Variants in PAX7 observed in about 807,000 individuals in gnomAD.
PAX7 encodes paired box protein Pax-7.
PAX7 carries 18 observed loss-of-function variants against 50.7 expected under a neutral mutation model. The observed-to-expected ratio is 0.36, with a 90% CI of 0.25 to 0.53. The LOEUF is 0.53. PAX7 is among the 20% of genes least tolerant of loss of function. PAX7 has a pLI of 0.93. For synonymous variants in PAX7, 310 were observed against 290.4 expected, an observed-to-expected ratio of 1.07 and a Z score of -0.69; for missense variants, 644 against 702.9, an observed-to-expected ratio of 0.92 and a Z score of 0.95.
intron 5 of PAX7, among the ~76,000 whole-genome samples, chr1:18,696,152 G>A (rs1446235226): frequency 1.4e-5 from 2 of 144,310 alleles, no homozygotes; most frequent in African/African-American, 2.6e-5. Context: ...TGCAACCTCC[G>A]CCTCCCGGTT....
rs1480423067 is a variant in PAX7 at position 18,705,179 on chromosome 1, T to A, written c.1155+1883T>A. Among the ~76,000 whole-genome samples the A allele has an allele frequency of 2.6e-5, 4 of 152,314 alleles. No homozygotes were observed. In the South Asian group the frequency reaches 6.2e-4, roughly 24 times the overall value. On this transcript the variant is annotated intron_variant, in intron 7 of 8. Transcript: ENST00000420770. ...GGTGAGCTAAACCCTGCACATGGAA[T>A]ACAGCCTGTCGGCCAGAATGTCTTC... is the stretch of plus-strand genomic sequence containing the variant.
At chr1:18,637,566 C>A (rs946219412) in intron 4 of PAX7, among the ~76,000 whole-genome samples, 2 of 152,236 alleles carry the variant, frequency 1.3e-5, no homozygotes, top group African/African-American at 2.4e-5. Context: ...TCTCCCAGCA[C>A]CCCTCTCCTC....
At chr1:18,672,213 C>G (rs2088759767) in intron 4 of PAX7, among the ~76,000 whole-genome samples, 1 of 152,106 alleles carries the variant, frequency 6.6e-6, no homozygotes, top group Non-Finnish European at 1.5e-5. Context: ...TCCAGAATCT[C>G]CCTTTGCCAT....
At chr1:18,669,904 T>G (rs1014985655) in intron 4 of PAX7, among the ~76,000 whole-genome samples, 4 of 152,048 alleles carry the variant, frequency 2.6e-5, no homozygotes, top group African/African-American at 9.7e-5. Context: ...GCCAACATGG[T>G]GAAACCCCGT....
At chr1:18,696,109 A>C (rs767774561) in intron 5 of PAX7, among the ~76,000 whole-genome samples, 58 of 135,110 alleles carry the variant, frequency 4.3e-4, no homozygotes, top group Non-Finnish European at 7.8e-4. Context: ...CTCATCGCCC[A>C]GGCTGGAGTG....
chr1:18,732,951 C>T (rs1054455953), intron 7 of PAX7, among the ~76,000 whole-genome samples: 13 of 152,158 alleles, frequency 8.5e-5, no homozygotes, highest in African/African-American at 3.1e-4. Flanking sequence ...CGTCAACTGT[C>T]CTTCTGAAAG....
At position 18,747,046 on chromosome 1, in the gene PAX7, C is replaced by T. The variant is rs1035621428; in HGVS notation, c.*2117C>T. ...TCTGTTGTCCCTTGGTAACCCAGTC[C>T]CTGCTTTTGTAGCTATCACAGCAGA... On this transcript the variant is annotated 3_prime_UTR_variant, in exon 9 of 9. Transcript: ENST00000420770. The T allele has an allele frequency of 3.0e-5, 7 of 230,408 alleles. No individual in the cohort carries two copies. The highest frequency in any genetic ancestry group is 1.5e-4 in the African/African-American group (7 of 45,282). The allele number at this position is 230,408 out of a possible 1,614,324, so 14.3% of individuals were successfully genotyped here. A position where few individuals can be genotyped will look rare whatever the true frequency, so the allele number is the denominator to read the frequency against.
Position 18,673,575 on chromosome 1 carries a change from C to T in PAX7, c.587-18179C>T, listed in dbSNP as rs554237716. On this transcript the variant is annotated intron_variant, in intron 4 of 8. Coordinates refer to ENST00000420770, the MANE Select transcript of PAX7 (RefSeq NM_001135254.2). Reference sequence around the variant, plus strand: ...AAACTGGGCTCAGAGCAATAATTGTCCCAGGGTGCGAGTAACAGATTTTAT... The same window carrying T: ...AAACTGGGCTCAGAGCAATAATTGTTCCAGGGTGCGAGTAACAGATTTTAT... 7.2e-5 allele frequency among the ~76,000 whole-genome samples: 11 copies of T among 152,216 alleles called. No individual in the cohort carries two copies. The South Asian group carries it at 8.3e-4, about 11-fold the overall frequency.
At chr1:18,706,569 C>G (rs1229788215) in intron 7 of PAX7, among the ~76,000 whole-genome samples, 2 of 149,282 alleles carry the variant, frequency 1.3e-5, no homozygotes, top group Non-Finnish European at 3.0e-5. Flanking sequence ...TCAAGCAATT[C>G]TCCTGTCTTC....
intron 8 of PAX7, among the ~76,000 whole-genome samples, chr1:18,737,137 G>T (rs1166275462): frequency 6.6e-6 from 1 of 152,260 alleles, no homozygotes; most frequent in African/African-American, 2.4e-5. Context: ...CAGCAGCAGG[G>T]CAGGTCCAGA....
chr1:18,665,296 G>A (rs1193107703), intron 4 of PAX7, among the ~76,000 whole-genome samples: 1 of 152,218 alleles, frequency 6.6e-6, no homozygotes, highest in Non-Finnish European at 1.5e-5. Context: ...CTGTGAAGGT[G>A]AGCAATGAGG....
intron 7 of PAX7, among the ~76,000 whole-genome samples, chr1:18,716,613 T>C (rs1224659934): frequency 6.7e-6 from 1 of 149,766 alleles, no homozygotes; most frequent in Non-Finnish European, 1.5e-5. Flanking sequence ...CACCACCCCC[T>C]TGCTCACCGT....
chr1:18,738,262 G>A lies in PAX7; in HGVS notation c.1402+2384G>A, dbSNP rs112707102. On this transcript the variant is annotated intron_variant, in intron 8 of 8. Transcript: ENST00000420770. ...CCAGGGTGACCTCCTGACCCAGCCC[G>A]TGTTCCTGGGCATGCAGCAGGACAC... 9.5e-3 allele frequency among the ~76,000 whole-genome samples: 1,452 copies of A among 152,272 alleles called. 31 individuals are homozygous for A. The highest frequency in any genetic ancestry group is 0.033 in the African/African-American group (1,366 of 41,528).
rs560139854 is a variant in PAX7, at chr1:18,741,492, A to T, written c.1403-3322A>T. Among the ~76,000 whole-genome samples, 4 of 152,204 alleles carry T rather than the reference A, an allele frequency of 2.6e-5. No individual in the cohort carries two copies. In the East Asian group the frequency reaches 7.7e-4, roughly 29 times the overall value. ...GAAAGAAAGAAAGAAAAGATAAGAT[A>T]AATCCTGAAGGTGATGGATGCCCTA... is the stretch of plus-strand genomic sequence containing the variant. On this transcript the variant is annotated intron_variant, in intron 8 of 8. Transcript: ENST00000420770.
At chr1:18,649,603 A>C (rs1423242877) in intron 4 of PAX7, among the ~76,000 whole-genome samples, 3 of 148,324 alleles carry the variant, frequency 2.0e-5, no homozygotes, top group African/African-American at 2.5e-5. Context: ...TGCCACACCC[A>C]CCCCACCCCG....
At chr1:18,661,441 T>C (rs1327999252) in intron 4 of PAX7, among the ~76,000 whole-genome samples, 1 of 152,180 alleles carries the variant, frequency 6.6e-6, no homozygotes, top group Non-Finnish European at 1.5e-5. Context: ...CTCCTCCAGC[T>C]CCTTGATGGG....
chr1:18,703,083 T>A lies in PAX7; in HGVS notation c.953-11T>A. 6.2e-7 allele frequency: 1 copy of A among 1,611,912 alleles called. No homozygotes were observed. The highest frequency in any genetic ancestry group is 8.5e-7 in the Non-Finnish European group (1 of 1,178,628). On this transcript the variant is annotated splice_polypyrimidine_tract_variant and intron_variant, in intron 6 of 8. Transcript: ENST00000420770. ...CCACTTGCTTAGGACCTCTCTTGGG[T>A]CTCTCTACAGATGGGGGCAGCACTG... is the stretch of plus-strand genomic sequence containing the variant.
At chr1:18,663,737 G>A (rs373056268) in intron 4 of PAX7, among the ~76,000 whole-genome samples, 10 of 152,324 alleles carry the variant, frequency 6.6e-5, no homozygotes, top group Admixed American at 3.9e-4. Flanking sequence ...GATAATTTGG[G>A]GTACGTGGAG....
chr1:18,647,867 G>A (rs2088370151), intron 4 of PAX7, among the ~76,000 whole-genome samples: 1 of 152,206 alleles, frequency 6.6e-6, no homozygotes, highest in Non-Finnish European at 1.5e-5. Flanking sequence ...GCTCAGCCAA[G>A]TGCAAATAAA....
Sources: gnomAD v4.1 joint callset for allele counts (sites outside exome capture counted in the v4.1 genomes callset) on GRCh38, gnomAD v4.1.1 for gene constraint, MANE v1.5 for transcripts, NCBI Gene and HGNC (gene_info 2026-07-23, HGNC 2026-07-21) for gene names.